The following PRR11 variants were observed in gnomAD, a reference collection of about 807,000 sequenced individuals.
The protein encoded by PRR11 is proline-rich protein 11.
In PRR11, 30 loss-of-function variants were observed where a neutral mutation model predicts 45.6. The observed-to-expected ratio is 0.66, with a 90% CI of 0.49 to 0.89. The LOEUF is 0.89. PRR11 is among the 40% of genes least tolerant of loss of function. The pLI, the probability that PRR11 is intolerant of heterozygous loss-of-function variation, is 0.00. For synonymous variants in PRR11, 128 were observed against 153.5 expected, an observed-to-expected ratio of 0.83 and a Z score of 1.23; for missense variants, 373 against 424.8, an observed-to-expected ratio of 0.88 and a Z score of 1.07.
intron 2 of PRR11, among the ~76,000 whole-genome samples, chr17:59,174,433 G>A (rs542207645): frequency 3.3e-5 from 5 of 152,238 alleles, no homozygotes; most frequent in South Asian, 2.1e-4. Context: ...GACCCAAATC[G>A]GTAACTCAAG....
At chr17:59,162,515 CAAA>C (rs1045158716) in intron 1 of PRR11, among the ~76,000 whole-genome samples, 9 of 150,316 alleles carry the variant, frequency 6.0e-5, no homozygotes, top group Non-Finnish European at 1.3e-4. Context: ...AAAGAAATAA[CAAA>C]AAAAAATAGC....
intron 1 of PRR11, among the ~76,000 whole-genome samples, chr17:59,156,721 C>T (rs1432982857): frequency 6.6e-6 from 1 of 151,182 alleles, no homozygotes; most frequent in Non-Finnish European, 1.5e-5. Context: ...AGTACAGTGG[C>T]ACAATCTCGG....
chr17:59,205,318 T>C lies in PRR11; in HGVS notation c.*3687T>C, dbSNP rs1418589526. On this transcript the variant is annotated 3_prime_UTR_variant, in exon 10 of 10. Transcript: ENST00000262293. ...AGAGAATGTAAACAACCAAGGTGCA[T>C]CTGGTTATGTTTTAAAATAAAGATT... Among the ~76,000 whole-genome samples the C allele has an allele frequency of 6.6e-6, 1 of 151,988 alleles. No homozygotes were observed. The highest frequency in any genetic ancestry group is 2.4e-5 in the African/African-American group (1 of 41,400).
In PRR11 at chr17:59,204,954, G is replaced by A. The variant is rs1463387759; in HGVS notation, c.*3323G>A. 1.3e-5 allele frequency among the ~76,000 whole-genome samples: 2 copies of A among 152,096 alleles called. No individual in the cohort carries two copies. Among genetic ancestry groups the A allele is most frequent in the Non-Finnish European group, 2.9e-5 (2 of 68,012 alleles). ...GAGGTGGGAGAATCACTTGAGCCTG[G>A]GAGGTTGAGGCTGCAGTGAGCTGTG... On this transcript the variant is annotated 3_prime_UTR_variant, in exon 10 of 10. Coordinates refer to ENST00000262293, the MANE Select transcript of PRR11 (RefSeq NM_018304.4).
In PRR11 at chr17:59,201,728, T is replaced by C; in HGVS notation, c.*97T>C. ...GCTCACACCTGTAATCCCAGCACTTTGGGAGGCTGAGGCAGGTGGATCACC... is the reference window on the plus strand; with the variant it reads ...GCTCACACCTGTAATCCCAGCACTTCGGGAGGCTGAGGCAGGTGGATCACC... On this transcript the variant is annotated 3_prime_UTR_variant, in exon 10 of 10. Transcript: ENST00000262293. The C allele has an allele frequency of 7.5e-7, 1 of 1,324,768 alleles. No individual in the cohort carries two copies. The allele number at this position is 1,324,768 out of a possible 1,614,324, so 82.1% of individuals were successfully genotyped here.
intron 5 of PRR11, among the ~76,000 whole-genome samples, chr17:59,194,306 A>ACACACAC (rs1159764728): frequency 9.3e-6 from 1 of 107,540 alleles, no homozygotes; most frequent in South Asian, 2.8e-4. Flanking sequence ...CACACACACA[A>ACACACAC]AACAAAACCT....
intron 2 of PRR11, chr17:59,181,762 C>G (rs1449589523): frequency 1.9e-6 from 3 of 1,556,518 alleles, no homozygotes; most frequent in Middle Eastern, 2.3e-4. Flanking sequence ...GTAAAGAAAC[C>G]AGGCCACCAT....
chr17:59,193,714 A>C lies in PRR11; in HGVS notation c.625A>C (p.Ser209Arg). The C allele has an allele frequency of 6.2e-7, 1 of 1,613,956 alleles. No individual in the cohort carries two copies. The highest frequency in any genetic ancestry group is 8.5e-7 in the Non-Finnish European group (1 of 1,179,860). ...AGCACCTGTGTTGCTCAGAAAACCC[A>C]GTCTCGCTAAAGCACTTCAGGTAGG... ...PLAPVLLRKPSLAKALQAGPL... is the reference protein window; with the variant it reads ...PLAPVLLRKPRLAKALQAGPL... Residue 209 changes from serine (S) to arginine (R), a missense_variant, in exon 5 of 10, where the codon AGT becomes CGT. Transcript: ENST00000262293.
Position 59,193,768 on chromosome 17 carries a change from A to G in PRR11, c.645+34A>G, listed in dbSNP as rs201890217. Reference sequence around the variant, plus strand: ...CAATCTAGTAATGATATGTTTTGATATGTTTTGGTGAGTGTGTAATATAGG... The same window carrying G: ...CAATCTAGTAATGATATGTTTTGATGTGTTTTGGTGAGTGTGTAATATAGG... On this transcript the variant is annotated intron_variant, in intron 5 of 9. Transcript: ENST00000262293. 1,029 of 1,604,556 alleles carry G rather than the reference A, an allele frequency of 6.4e-4. 3 individuals carry two copies. The highest frequency in any genetic ancestry group is 6.7e-4 in the Non-Finnish European group (791 of 1,172,960).
rs1410705602 is a variant in PRR11 at position 59,193,743 on chromosome 17, C to T, written c.645+9C>T. 1 of 1,612,746 alleles carries T rather than the reference C, an allele frequency of 6.2e-7. No individual in the cohort carries two copies. The highest frequency in any genetic ancestry group is 1.1e-5 in the South Asian group (1 of 91,032). The stretch of plus-strand genomic sequence containing the variant: ...TCGCTAAAGCACTTCAGGTAGGTAA[C>T]AATCTAGTAATGATATGTTTTGATA... On this transcript the variant is annotated intron_variant, in intron 5 of 9. Coordinates refer to ENST00000262293, the MANE Select transcript of PRR11 (RefSeq NM_018304.4).
chr17:59,179,865 G>T, intron 2 of PRR11: 1 of 1,342,950 alleles, frequency 7.4e-7, no homozygotes, highest in South Asian at 1.2e-5. Flanking sequence ...AGGGGGCTGG[G>T]ATCTACCCCA....
At chr17:59,180,559 G>A (rs1291576295) in intron 2 of PRR11, among the ~76,000 whole-genome samples, 1 of 144,694 alleles carries the variant, frequency 6.9e-6, no homozygotes, top group East Asian at 2.0e-4. Flanking sequence ...AGACTGGAGT[G>A]CAGTGGTGCT....
At chr17:59,172,849 C>T (rs545695293) in intron 2 of PRR11, among the ~76,000 whole-genome samples, 69 of 152,358 alleles carry the variant, frequency 4.5e-4, no homozygotes, top group African/African-American at 1.6e-3. Flanking sequence ...CTGACGAGCG[C>T]CGCCCCCTGC....
intron 9 of PRR11, among the ~76,000 whole-genome samples, chr17:59,200,968 AC>A (rs2046889800): frequency 2.0e-5 from 3 of 151,478 alleles, no homozygotes; most frequent in African/African-American, 7.3e-5. Context: ...TTATTTCAAT[AC>A]GTTTTTGGGG....
intron 2 of PRR11, chr17:59,178,534 G>A (rs575741710): frequency 9.5e-6 from 5 of 526,044 alleles, no homozygotes; most frequent in African/African-American, 7.6e-5. Context: ...AGGATCCTCT[G>A]TGATTAGAGA....
chr17:59,156,406 TAA>T (rs919235783), intron 1 of PRR11, among the ~76,000 whole-genome samples: 2 of 140,228 alleles, frequency 1.4e-5, no homozygotes. Flanking sequence ...CAGCAATGCT[TAA>T]AAAAAAAAAA....
At chr17:59,195,049 T>C (rs2046859157) in intron 6 of PRR11, among the ~76,000 whole-genome samples, 194 bp downstream of exon 6, 1 of 152,058 alleles carries the variant, frequency 6.6e-6, no homozygotes, top group Non-Finnish European at 1.5e-5. Flanking sequence ...GAGGGAGAAG[T>C]CATTTCATTT....
intron 2 of PRR11, among the ~76,000 whole-genome samples, chr17:59,183,227 C>T (rs571567711): frequency 3.9e-5 from 6 of 152,282 alleles, no homozygotes; most frequent in South Asian, 4.1e-4. Context: ...TCAGGGTCTC[C>T]GCATCCATCT....
chr17:59,159,866 T>C (rs1373586789), intron 1 of PRR11, among the ~76,000 whole-genome samples: 1 of 152,202 alleles, frequency 6.6e-6, no homozygotes, highest in South Asian at 2.1e-4. Context: ...GGGAGAATTA[T>C]GTACCCTTGC....
Sources: allele counts gnomAD v4.1 joint callset (sites outside exome capture counted in the v4.1 genomes callset), GRCh38; gene constraint gnomAD v4.1.1; transcripts MANE v1.5; gene names NCBI Gene and HGNC (gene_info 2026-07-23, HGNC 2026-07-21).